The following ZDBF2 variants were observed in gnomAD, a reference collection of about 807,000 sequenced individuals.
The protein encoded by ZDBF2 is DBF4-type zinc finger-containing protein 2.
Under a neutral mutation model 9.4 loss-of-function variants are expected in ZDBF2, and 6 were observed. The observed-to-expected ratio is 0.64, with a 90% confidence interval of 0.35 to 1.27. The LOEUF (loss-of-function observed/expected upper bound fraction) is 1.27, where lower values mean the gene tolerates loss of function less well. Ranked by LOEUF, ZDBF2 falls within the 50% of genes most tolerant of loss-of-function variation. The pLI is 0.03. For synonymous variants in ZDBF2, 905 were observed against 946.3 expected, an observed-to-expected ratio of 0.96 and a Z score of 0.80; for missense variants, 2,697 against 2,766.8, an observed-to-expected ratio of 0.97 and a Z score of 0.57.
chr2:206,306,859 C>G lies in ZDBF2; in HGVS notation c.2331C>G (p.Asp777Glu). 1.9e-6 allele frequency: 3 copies of G among 1,613,796 alleles called. No homozygotes were observed. Among genetic ancestry groups the G allele is most frequent in the African/African-American group, 1.3e-5 (1 of 75,010 alleles). ...LDAEGKERHI[D>E]LEDESCESDS... ...CTGAAGGAAAAGAACGGCACATTGA[C>G]CTGGAAGATGAGAGCTGTGAGTCAG... is the stretch of plus-strand genomic sequence containing the variant. The change falls in exon 5 of 5, where the codon GAC (aspartate) becomes GAG (glutamate). Residue 777 changes from aspartate (D) to glutamate (E), a missense_variant. Asp to Glu is a conservative substitution (Grantham distance 45, BLOSUM62 2). Coordinates refer to ENST00000374423, the MANE Select transcript of ZDBF2 (RefSeq NM_020923.3).
In ZDBF2 at chr2:206,313,727, T is replaced by C. The variant is rs1293157667; in HGVS notation, c.*2134T>C. 1 of 152,186 alleles carries C rather than the reference T, an allele frequency of 6.6e-6. No homozygotes were observed. Among genetic ancestry groups the C allele is most frequent in the Non-Finnish European group, 1.5e-5 (1 of 68,004 alleles). The allele number at this position is 152,186 out of a possible 1,614,324, so 9.4% of individuals were successfully genotyped here. ...TTCAAGTAATTAAAATTTCAAGTTG[T>C]AAAAATGTTACCATTTTCACATTGG... is the stretch of plus-strand genomic sequence containing the variant. On this transcript the variant is annotated 3_prime_UTR_variant, in exon 5 of 5. Coordinates refer to ENST00000374423, the MANE Select transcript of ZDBF2 (RefSeq NM_020923.3).
intron 3 of ZDBF2, among the ~76,000 whole-genome samples, chr2:206,294,102 A>G (rs1390040814): frequency 1.3e-5 from 2 of 152,244 alleles, no homozygotes; most frequent in South Asian, 2.1e-4. Flanking sequence ...TATCACATAT[A>G]TAATATTGAG....
rs761651529 is a variant in ZDBF2 at position 206,310,926 on chromosome 2, A to G, written c.6398A>G (p.Lys2133Arg). 1 of 1,613,944 alleles carries G rather than the reference A, an allele frequency of 6.2e-7. No homozygotes were observed. Among genetic ancestry groups the G allele is most frequent in the South Asian group, 1.1e-5 (1 of 91,068 alleles). ...TCTTCTCTGTTTCTGGAAGAATCAA[A>G]GGTTCTGCATGCTCGTGAGCTTCCA... ...SDSSLFLEES[K>R]VLHARELPKK... The change falls in exon 5 of 5, where the codon AAG becomes AGG. Residue 2133 changes from lysine (K) to arginine (R), a missense_variant. Lys to Arg is a conservative substitution (Grantham distance 26). This residue lies in a region of ZDBF2 where 1,783 missense variants were observed against 1,776.5 expected (regional missense o/e 1.00). Transcript: ENST00000374423.
chr2:206,293,425 CAAAG>C (rs1421478988), intron 3 of ZDBF2, among the ~76,000 whole-genome samples: 1 of 151,626 alleles, frequency 6.6e-6, no homozygotes, highest in East Asian at 1.9e-4. Context: ...AAAGCACTGA[CAAAG>C]AAAAAAAGAT....
intron 2 of ZDBF2, 127 bp from the exon 3 acceptor site, chr2:206,281,674 T>C: frequency 1.8e-6 from 1 of 570,232 alleles, no homozygotes; most frequent in Non-Finnish European, 3.1e-6. Context: ...ATTCAGTGGC[T>C]CATGGCAGCC....
chr2:206,308,975 C>T lies in ZDBF2; in HGVS notation c.4447C>T (p.His1483Tyr). ...AGAGGCAGACCTTCAGAAGGAAGAG[C>T]ATGTTGTCATGGAAGAAAAGACCGA... ...YKEADLQKEEHVVMEEKTDQP... is the reference protein window; with the variant it reads ...YKEADLQKEEYVVMEEKTDQP... Residue 1483 changes from histidine to tyrosine, a missense_variant, in exon 5 of 5, where the codon CAT becomes TAT. Physicochemically the swap from His to Tyr is moderately conservative, Grantham distance 83. Transcript: ENST00000374423. The T allele has an allele frequency of 1.9e-6, 3 of 1,613,636 alleles. No homozygotes were observed. The highest frequency in any genetic ancestry group is 2.5e-6 in the Non-Finnish European group (3 of 1,179,740).
At position 206,310,747 on chromosome 2, in the gene ZDBF2, T is replaced by A; in HGVS notation, c.6219T>A (p.Phe2073Leu). Residue 2073 changes from phenylalanine (F) to leucine (L), a missense_variant, in exon 5 of 5, where the codon TTT becomes TTA. By Grantham distance (22) the Phe-to-Leu change is conservative. Coordinates refer to ENST00000374423, the MANE Select transcript of ZDBF2 (RefSeq NM_020923.3). Reference protein sequence around the residue: ...SPPLSVIVPEFERRNWVKIHF... With the variant: ...SPPLSVIVPELERRNWVKIHF... ...CCCTGAGTGTAATAGTACCAGAGTT[T>A]GAGAGGCGTAACTGGGTTAAAATTC... is the stretch of plus-strand genomic sequence containing the variant. 5 of 1,613,906 alleles carry A rather than the reference T, an allele frequency of 3.1e-6. No homozygotes were observed. The highest frequency in any genetic ancestry group is 4.2e-6 in the Non-Finnish European group (5 of 1,179,880).
chr2:206,310,303 G>T lies in ZDBF2; in HGVS notation c.5775G>T (p.Arg1925Ser). 6.2e-7 allele frequency: 1 copy of T among 1,613,918 alleles called. No individual in the cohort carries two copies. The change falls in exon 5 of 5, where the codon AGG (arginine) becomes AGT (serine). Residue 1925 changes from arginine to serine, a missense_variant. Transcript: ENST00000374423. ...GCCATCGTCATCCTCCAGCAGAGAG[G>T]CCTCCTAAGCAAAAGGGGCGTGTGG... ...KPCHRHPPAE[R>S]PPKQKGRVAS...
Position 206,282,318 on chromosome 2 carries a change from C to A in ZDBF2, c.60+409C>A, listed in dbSNP as rs73983008. Among the ~76,000 whole-genome samples the A allele has an allele frequency of 4.1e-3, 620 of 152,158 alleles. 5 individuals carry two copies. Among genetic ancestry groups the A allele is most frequent in the African/African-American group, 0.014 (572 of 41,492 alleles). ...TCTAGGTAGAGGGAAGAGACAGAGA[C>A]CCTGAGGGTACAGAGTGGTTGGCAC... On this transcript the variant is annotated intron_variant, in intron 3 of 4. Coordinates refer to ENST00000374423, the MANE Select transcript of ZDBF2 (RefSeq NM_020923.3).
intron 2 of ZDBF2, among the ~76,000 whole-genome samples, chr2:206,280,950 T>C (rs1427001149): frequency 6.6e-6 from 1 of 152,206 alleles, no homozygotes; most frequent in East Asian, 1.9e-4. Context: ...GCAAATAAAC[T>C]GCATTAAATT....
chr2:206,288,790 G>A (rs1032671312), intron 3 of ZDBF2, among the ~76,000 whole-genome samples: 8 of 152,074 alleles, frequency 5.3e-5, no homozygotes, highest in Admixed American at 5.2e-4. Context: ...TGACTCCAGG[G>A]AAAAATAGTT....
Position 206,309,633 on chromosome 2 carries a change from G to A in ZDBF2, c.5105G>A (p.Ser1702Asn). ...DPRNAGLKGK[S>N]CQSSASAVDF... ...AGAAATGCTGGCCTAAAAGGTAAGA[G>A]CTGTCAGTCTAGTGCTTCTGCAGTG... The change falls in exon 5 of 5, where the codon AGC becomes AAC. Residue 1702 changes from serine (S) to asparagine (N), a missense_variant. Ser to Asn is a conservative substitution (Grantham distance 46). Coordinates refer to ENST00000374423, the MANE Select transcript of ZDBF2 (RefSeq NM_020923.3). 1 of 1,613,908 alleles carries A rather than the reference G, an allele frequency of 6.2e-7. No homozygotes were observed. Among genetic ancestry groups the A allele is most frequent in the South Asian group, 1.1e-5 (1 of 91,080 alleles).
chr2:206,290,861 T>G (rs1691854028), intron 3 of ZDBF2, among the ~76,000 whole-genome samples: 1 of 152,236 alleles, frequency 6.6e-6, no homozygotes, highest in South Asian at 2.1e-4. Flanking sequence ...TTGCTCTTGC[T>G]AGAATTTCTA....
At chr2:206,298,987 TCTC>T (rs907504705) in intron 4 of ZDBF2, among the ~76,000 whole-genome samples, 6 of 151,370 alleles carry the variant, frequency 4.0e-5, no homozygotes, top group African/African-American at 1.5e-4. Context: ...CTCAAGCAAT[TCTC>T]CTGCCTCAGC....
Position 206,305,512 on chromosome 2 carries a change from G to T in ZDBF2, c.984G>T (p.Lys328Asn). ...GAATCTTTGAAGATACTATTGCAAA[G>T]AACCATGAGGAATTCTTTTCTAACA... Reference protein sequence around the residue: ...NKGIFEDTIAKNHEEFFSNMD... With the variant: ...NKGIFEDTIANNHEEFFSNMD... The change falls in exon 5 of 5, where the codon AAG becomes AAT. Residue 328 changes from lysine (K) to asparagine (N), a missense_variant. By Grantham distance (94) the Lys-to-Asn change is moderately conservative. This residue lies in a region of ZDBF2 where 910 missense variants were observed against 973.6 expected (regional missense o/e 0.93). Transcript: ENST00000374423. 6.2e-7 allele frequency: 1 copy of T among 1,613,352 alleles called. No homozygotes were observed. Among genetic ancestry groups the T allele is most frequent in the Non-Finnish European group, 8.5e-7 (1 of 1,179,740 alleles).
rs114174629 is a variant in ZDBF2 at position 206,298,821 on chromosome 2, C to T, written c.188+1448C>T. Among the ~76,000 whole-genome samples, 1,059 of 152,096 alleles carry T rather than the reference C, an allele frequency of 7.0e-3. 16 individuals are homozygous for T. The highest frequency in any genetic ancestry group is 6.9e-3 in the Non-Finnish European group (466 of 67,966). On this transcript the variant is annotated intron_variant, in intron 4 of 4. Coordinates refer to ENST00000374423, the MANE Select transcript of ZDBF2 (RefSeq NM_020923.3). ...GATTACAGGAATGAGTCACCGTGCCCAGCTCCAATGTATAACTCTCATAAG... is the reference window on the plus strand; with the variant it reads ...GATTACAGGAATGAGTCACCGTGCCTAGCTCCAATGTATAACTCTCATAAG...
rs199913989 is a variant in ZDBF2, at chr2:206,311,175, G to A, written c.6647G>A (p.Arg2216Gln). 141 of 1,612,318 alleles carry A rather than the reference G, an allele frequency of 8.7e-5. No individual in the cohort carries two copies. The African/African-American group carries it at 1.1e-3, about 12-fold the overall frequency. ...KASEKQSIWI[R>Q]TKPSDIIRKY... ...TCAGAGAAACAGTCAATTTGGATTC[G>A]GACCAAACCAAGTGATATCATTAGA... Residue 2216 changes from arginine (R) to glutamine (Q), a missense_variant, in exon 5 of 5, where the codon CGG becomes CAG. Around this residue, in one of 3 missense-constraint regions of ZDBF2, gnomAD observed 1,783 missense variants for 1,776.5 expected, o/e 1.00. Transcript: ENST00000374423.
chr2:206,311,286 A>G lies in ZDBF2; in HGVS notation c.6758A>G (p.Lys2253Arg). ...AFLGRYLKKK[K>R]SVVSRLKKAK... ...CTTGGAAGGTATCTGAAGAAGAAAA[A>G]ATCTGTTGTCAGTAGGCTAAAGAAG... Residue 2253 changes from lysine to arginine, a missense_variant, in exon 5 of 5, where the codon AAA (lysine) becomes AGA (arginine). Physicochemically the swap from Lys to Arg is conservative, Grantham distance 26. Around this residue, in one of 3 missense-constraint regions of ZDBF2, gnomAD observed 1,783 missense variants for 1,776.5 expected, o/e 1.00. Coordinates refer to ENST00000374423, the MANE Select transcript of ZDBF2 (RefSeq NM_020923.3). 2 of 1,608,492 alleles carry G rather than the reference A, an allele frequency of 1.2e-6. No individual in the cohort carries two copies. Among genetic ancestry groups the G allele is most frequent in the Non-Finnish European group, 1.7e-6 (2 of 1,176,848 alleles).
In ZDBF2 at chr2:206,311,263, T is replaced by G. The variant is rs752105205; in HGVS notation, c.6735T>G (p.Leu2245=). ...RHRYQSRSAF[L]GRYLKKKKSV... ...GATATCAGTCCAGGAGCGCTTTTCT[T>G]GGAAGGTATCTGAAGAAGAAAAAAT... Residue 2245 remains leucine, a synonymous_variant, in exon 5 of 5, where the codon CTT becomes CTG. Transcript: ENST00000374423. 2 of 1,610,670 alleles carry G rather than the reference T, an allele frequency of 1.2e-6. No individual in the cohort carries two copies. Among genetic ancestry groups the G allele is most frequent in the African/African-American group, 1.3e-5 (1 of 74,886 alleles).
Sources: allele counts gnomAD v4.1 joint callset (sites outside exome capture counted in the v4.1 genomes callset), GRCh38; gene constraint gnomAD v4.1.1; regional missense constraint gnomAD v4.1.1; transcripts MANE v1.5; gene names NCBI Gene and HGNC (gene_info 2026-07-23, HGNC 2026-07-21).